EVI5L: variants seen among roughly 807,000 people sequenced by gnomAD.
The protein encoded by EVI5L is ecotropic viral integration site 5 like, also known as EVI5-like protein.
In EVI5L, 30 loss-of-function variants were observed where a neutral mutation model predicts 106.1. That is an observed-to-expected ratio of 0.28 (90% CI 0.21 to 0.38). The LOEUF (loss-of-function observed/expected upper bound fraction) is 0.38, where lower values mean the gene tolerates loss of function less well. Ranked by LOEUF, EVI5L falls within the 10% of genes least tolerant of loss-of-function variation. The pLI is 1.00. For synonymous variants in EVI5L, 489 were observed against 483.3 expected, an observed-to-expected ratio of 1.01 and a Z score of -0.15; for missense variants, 809 against 1,098.0, an observed-to-expected ratio of 0.74 and a Z score of 3.72.
Position 7,848,969 on chromosome 19 carries a change from C to G in EVI5L, c.376C>G (p.Gln126Glu). The change falls in exon 4 of 20, where the codon CAG becomes GAG. Residue 126 changes from glutamine (Q) to glutamate (E), a missense_variant. Gln to Glu is a conservative substitution (Grantham distance 29). Around this residue, in one of 2 missense-constraint regions of EVI5L, gnomAD observed 357 missense variants for 588.1 expected, o/e 0.61. Coordinates refer to ENST00000538904, the MANE Select transcript of EVI5L (RefSeq NM_001159944.3). The surrounding 1 kb of genome is among the most constrained non-coding windows in gnomAD (Gnocchi z 4.8). ...IPHHFRAIVW[Q>E]LLCSATDMPV... ...CCACCACTTCCGGGCCATCGTGTGGCAGCTTCTGTGCAGCGCCACGGACAT... is the reference window on the plus strand; with the variant it reads ...CCACCACTTCCGGGCCATCGTGTGGGAGCTTCTGTGCAGCGCCACGGACAT... 6.2e-7 allele frequency: 1 copy of G among 1,613,320 alleles called. No individual in the cohort carries two copies. Among genetic ancestry groups the G allele is most frequent in the Non-Finnish European group, 8.5e-7 (1 of 1,179,830 alleles).
chr19:7,856,836 C>T lies in EVI5L; in HGVS notation c.1201-256C>T. On this transcript the variant is annotated intron_variant, in intron 11 of 19. Coordinates refer to ENST00000538904, the MANE Select transcript of EVI5L (RefSeq NM_001159944.3). This position sits in a 1 kb window ranked among gnomAD's most constrained non-coding sequence, Gnocchi z 6.6. Reference sequence around the variant, plus strand: ...GACAGTGGGTTTCCCAGCCCTGCGGCCTCCCCCACAGCCGCGGGCACCCCC... The same window carrying T: ...GACAGTGGGTTTCCCAGCCCTGCGGTCTCCCCCACAGCCGCGGGCACCCCC... The T allele has an allele frequency of 1.5e-6, 1 of 672,912 alleles. No homozygotes were observed. The highest frequency in any genetic ancestry group is 2.7e-6 in the Non-Finnish European group (1 of 368,250). The allele number at this position is 672,912 out of a possible 1,614,324, so 41.7% of individuals were successfully genotyped here.
intron 1 of EVI5L, among the ~76,000 whole-genome samples, chr19:7,839,463 C>T (rs1290591616): frequency 6.6e-6 from 1 of 152,064 alleles, no homozygotes; most frequent in Non-Finnish European, 1.5e-5. Flanking sequence ...GAAGGGCATG[C>T]ACGTCTTGCA....
chr19:7,849,403 C>G (rs1337347856), intron 5 of EVI5L, 73 bp downstream of exon 5: 2 of 1,527,990 alleles, frequency 1.3e-6, no homozygotes, highest in Non-Finnish European at 1.8e-6. Context: ...AAGAGATGGA[C>G]AGAAGTGGCG....
chr19:7,860,702 G>T lies in EVI5L; in HGVS notation c.1503+13G>T. 6.4e-7 allele frequency: 1 copy of T among 1,569,198 alleles called. No homozygotes were observed. The highest frequency in any genetic ancestry group is 2.3e-5 in the East Asian group (1 of 42,674). The stretch of plus-strand genomic sequence containing the variant: ...CGACATGGAAAAGGTGCAATGGGGA[G>T]GCAGACGGGCAGGTGTCGGGGGGAC... On this transcript the variant is annotated intron_variant, in intron 14 of 19. Transcript: ENST00000538904.
At chr19:7,841,115 T>G (rs564724152) in intron 1 of EVI5L, among the ~76,000 whole-genome samples, 4 of 152,184 alleles carry the variant, frequency 2.6e-5, no homozygotes, top group African/African-American at 9.6e-5. Context: ...CCCCGGACAC[T>G]CCAAGAGGGC....
intron 1 of EVI5L, among the ~76,000 whole-genome samples, chr19:7,843,654 ATG>A (rs139470892): frequency 0.17 from 23,796 of 138,672 alleles, 2,423 homozygotes; most frequent in Middle Eastern, 0.25. Flanking sequence ...GAGTGTGTGC[ATG>A]TGTGTGTATA....
Position 7,858,336 on chromosome 19 carries a change from G to C in EVI5L, c.1374+5G>C, listed in dbSNP as rs890306873. On this transcript the variant is annotated splice_donor_5th_base_variant and intron_variant, in intron 13 of 19. Coordinates refer to ENST00000538904, the MANE Select transcript of EVI5L (RefSeq NM_001159944.3). This position sits in a 1 kb window ranked among gnomAD's most constrained non-coding sequence, Gnocchi z 5.7. ...CGGCAGCTACAGGAGCAGCAGGTAG[G>C]GGCGGGTGTGCGGGGCTGCTGGGCG... 1 of 1,543,762 alleles carries C rather than the reference G, an allele frequency of 6.5e-7. No homozygotes were observed. The highest frequency in any genetic ancestry group is 8.7e-7 in the Non-Finnish European group (1 of 1,146,194).
intron 16 of EVI5L, 36 bp downstream of exon 16, chr19:7,862,313 G>T: frequency 6.3e-7 from 1 of 1,581,488 alleles, no homozygotes; most frequent in Non-Finnish European, 8.6e-7. Flanking sequence ...GGGAAGGGGC[G>T]TGGTGTCCGT....
chr19:7,854,281 C>CAA (rs56186481), intron 10 of EVI5L, among the ~76,000 whole-genome samples: 18,817 of 94,472 alleles, frequency 0.2, 1,849 homozygotes, highest in Non-Finnish European at 0.27. Flanking sequence ...GACTGTGTCT[C>CAA]AAAAAAAAAA....
chr19:7,834,718 G>T (rs1185928085), intron 1 of EVI5L, among the ~76,000 whole-genome samples: 1 of 152,164 alleles, frequency 6.6e-6, no homozygotes, highest in Non-Finnish European at 1.5e-5. Context: ...ATCCAGAAGG[G>T]AATAAATATC....
At chr19:7,862,321 C>G in intron 16 of EVI5L, 44 bp downstream of exon 16, 3 of 1,581,756 alleles carry the variant, frequency 1.9e-6, no homozygotes, top group Non-Finnish European at 2.6e-6. Flanking sequence ...GCGTGGTGTC[C>G]GTGGCCAGCC....
rs1979058607 is a variant in EVI5L, at chr19:7,848,268, C to T, written c.327+347C>T. 6.6e-6 allele frequency among the ~76,000 whole-genome samples: 1 copy of T among 151,638 alleles called. No individual in the cohort carries two copies. The highest frequency in any genetic ancestry group is 6.6e-5 in the Admixed American group (1 of 15,214). On this transcript the variant is annotated intron_variant, in intron 3 of 19. Coordinates refer to ENST00000538904, the MANE Select transcript of EVI5L (RefSeq NM_001159944.3). The surrounding 1 kb of genome is among the most constrained non-coding windows in gnomAD (Gnocchi z 4.8). ...AGGAGTTCGAGGCCAGCCTGGGCAA[C>T]GTAATGAGACTCCGACTCTATAAAA... is the stretch of plus-strand genomic sequence containing the variant.
chr19:7,856,032 C>G lies in EVI5L; in HGVS notation c.1164C>G (p.Asn388Lys). 1 of 1,328,666 alleles carries G rather than the reference C, an allele frequency of 7.5e-7. No homozygotes were observed. Among genetic ancestry groups the G allele is most frequent in the Non-Finnish European group, 9.7e-7 (1 of 1,029,672 alleles). 82.3% of individuals were successfully genotyped at this position (1,328,666 alleles called of 1,614,324 possible). A position where few individuals can be genotyped will look rare whatever the true frequency, so the allele number is the denominator to read the frequency against. The change falls in exon 11 of 20, where the codon AAC (asparagine) becomes AAG (lysine). Residue 388 changes from asparagine (N) to lysine (K), a missense_variant. Coordinates refer to ENST00000538904, the MANE Select transcript of EVI5L (RefSeq NM_001159944.3). The surrounding 1 kb of genome is among the most constrained non-coding windows in gnomAD (Gnocchi z 6.6). Reference protein sequence around the residue: ...QIEIKRLRTENRLLKQRIETL... With the variant: ...QIEIKRLRTEKRLLKQRIETL... ...CCCCATAGAGACTTCGGACGGAGAACCGGCTCCTGAAACAGCGGATTGAAA... is the reference window on the plus strand; with the variant it reads ...CCCCATAGAGACTTCGGACGGAGAAGCGGCTCCTGAAACAGCGGATTGAAA...
At position 7,850,413 on chromosome 19, in the gene EVI5L, C is replaced by G. The variant is rs952520535; in HGVS notation, c.753+291C>G. ...GCAGAGGGGTGGGGCAGGCTCACAT[C>G]GGACACAGCCACAGCCACCTCCCTG... On this transcript the variant is annotated intron_variant, in intron 6 of 19. Transcript: ENST00000538904. The surrounding 1 kb of genome is among the most constrained non-coding windows in gnomAD (Gnocchi z 5.4). 1.3e-5 allele frequency among the ~76,000 whole-genome samples: 2 copies of G among 152,166 alleles called. No individual in the cohort carries two copies. Among genetic ancestry groups the G allele is most frequent in the Admixed American group, 1.3e-4 (2 of 15,282 alleles).
intron 1 of EVI5L, among the ~76,000 whole-genome samples, chr19:7,843,468 A>C (rs2031612132): frequency 7.7e-6 from 1 of 130,404 alleles, no homozygotes; most frequent in Non-Finnish European, 1.6e-5. Flanking sequence ...GTGTGTGAGA[A>C]TAGGCATGGG....
At position 7,851,535 on chromosome 19, in the gene EVI5L, A is replaced by T; in HGVS notation, c.855A>T (p.Pro285=). ...WFLTLFLTTF[P]LPVATRVFDI... is the part of the protein sequence containing the mutation. ...TCACACTGTTCCTGACCACCTTCCCACTCCCCGTCGCCACCCGGGTCTTTG... is the reference window on the plus strand; with the variant it reads ...TCACACTGTTCCTGACCACCTTCCCTCTCCCCGTCGCCACCCGGGTCTTTG... The change falls in exon 7 of 20, where the codon CCA becomes CCT. Residue 285 remains proline, a synonymous_variant. Coordinates refer to ENST00000538904, the MANE Select transcript of EVI5L (RefSeq NM_001159944.3). 6.2e-7 allele frequency: 1 copy of T among 1,609,522 alleles called. No individual in the cohort carries two copies. Among genetic ancestry groups the T allele is most frequent in the Non-Finnish European group, 8.5e-7 (1 of 1,178,390 alleles).
rs1194599508 is a variant in EVI5L, at chr19:7,860,694, A to G, written c.1503+5A>G. On this transcript the variant is annotated splice_donor_5th_base_variant and intron_variant, in intron 14 of 19. Transcript: ENST00000538904. ...AAGGTTCTCGACATGGAAAAGGTGCAATGGGGAGGCAGACGGGCAGGTGTC... is the reference window on the plus strand; with the variant it reads ...AAGGTTCTCGACATGGAAAAGGTGCGATGGGGAGGCAGACGGGCAGGTGTC... 4 of 1,578,648 alleles carry G rather than the reference A, an allele frequency of 2.5e-6. No homozygotes were observed.
rs1979970428 is a variant in EVI5L, at chr19:7,863,611, G to C, written c.2327G>C (p.Arg776Pro). Residue 776 changes from arginine (R) to proline (P), a missense_variant, in exon 20 of 20, where the codon CGT (arginine) becomes CCT (proline). This residue lies in a region of EVI5L where 452 missense variants were observed against 509.9 expected (regional missense o/e 0.89). Coordinates refer to ENST00000538904, the MANE Select transcript of EVI5L (RefSeq NM_001159944.3). The surrounding 1 kb of genome is among the most constrained non-coding windows in gnomAD (Gnocchi z 7.7). ...CCGCGCGATGCGCGCTTCTTCCGCC[G>C]TCTGGAGCGGCCGGCCAAGGACAGC... ...LSPRDARFFR[R>P]LERPAKDSEG... 1 of 1,567,000 alleles carries C rather than the reference G, an allele frequency of 6.4e-7. No homozygotes were observed. The highest frequency in any genetic ancestry group is 8.6e-7 in the Non-Finnish European group (1 of 1,156,930).
At chr19:7,862,928 G>GC in intron 17 of EVI5L, 44 bp from the exon 18 acceptor site, 4 of 1,276,550 alleles carry the variant, frequency 3.1e-6, no homozygotes, top group African/African-American at 1.6e-5. Context: ...GATGCGCCGC[G>GC]CCCCCTGACC....
Sources: allele counts gnomAD v4.1 joint callset (sites outside exome capture counted in the v4.1 genomes callset), GRCh38; gene constraint gnomAD v4.1.1; regional missense constraint gnomAD v4.1.1; non-coding constraint Gnocchi (gnomAD v3.1); transcripts MANE v1.5; gene names NCBI Gene and HGNC (gene_info 2026-07-23, HGNC 2026-07-21).